CYP2J2: variants seen among roughly 807,000 people sequenced by gnomAD.
The protein encoded by CYP2J2 is cytochrome P450 family 2 subfamily J member 2, also known as cytochrome P450 2J2.
CYP2J2 carries 41 observed loss-of-function variants against 48.8 expected under a neutral mutation model. The ratio of observed to expected loss-of-function variants is 0.84; its 90% CI spans 0.66 to 1.09. CYP2J2 has a LOEUF of 1.09. Ranked by LOEUF, CYP2J2 falls within the 50% of genes least tolerant of loss-of-function variation. The pLI is 0.00. For synonymous variants in CYP2J2, 221 were observed against 227.1 expected (o/e 0.97, Z 0.24); for missense variants, 644 against 617.3 (o/e 1.04, Z -0.46).
intron 7 of CYP2J2, among the ~76,000 whole-genome samples, chr1:59,903,218 C>T (rs559814243): frequency 5.1e-4 from 77 of 152,226 alleles, no homozygotes; most frequent in African/African-American, 1.8e-3. Context: ...TTCTACTTCT[C>T]GAGATTTTCC....
At chr1:59,897,634 CA>C (rs1163187876) in intron 8 of CYP2J2, among the ~76,000 whole-genome samples, 1 of 152,176 alleles carries the variant, frequency 6.6e-6, no homozygotes, top group East Asian at 1.9e-4. Flanking sequence ...AAGTTCTTTC[CA>C]GCCCTATCTC....
chr1:59,935,027 T>TATACACAC, the CYP2J2 span, among the ~76,000 whole-genome samples: 6 of 100,140 alleles, frequency 6.0e-5, no homozygotes, highest in Non-Finnish European at 1.2e-4. Context: ...TATATATATA[T>TATACACAC]ATATATATAT....
At chr1:59,900,829 T>C in intron 8 of CYP2J2, 136 bp downstream of exon 8, 1 of 995,348 alleles carries the variant, frequency 1.0e-6, no homozygotes, top group Non-Finnish European at 1.5e-6. Flanking sequence ...GGCTGCCCCC[T>C]ACAGCAAGAT....
upstream of CYP2J2, among the ~76,000 whole-genome samples, chr1:59,929,582 T>C (rs962861200): frequency 6.6e-6 from 1 of 152,048 alleles, no homozygotes; most frequent in Non-Finnish European, 1.5e-5. Context: ...ATAGAAATTA[T>C]AAAAAAGTGG....
chr1:59,937,428 GA>G, the CYP2J2 span, among the ~76,000 whole-genome samples: 2,901 of 141,840 alleles, frequency 0.02, 87 homozygotes, highest in African/African-American at 0.067. Flanking sequence ...ATTACTAAAA[GA>G]AAAAAAAAAA....
chr1:59,920,833 T>G (rs1394031454), intron 1 of CYP2J2, among the ~76,000 whole-genome samples: 1 of 152,204 alleles, frequency 6.6e-6, no homozygotes, highest in African/African-American at 2.4e-5. Context: ...TTCCAAATTT[T>G]ATAGACTTTA....
chr1:59,966,274 T>C, the CYP2J2 span, among the ~76,000 whole-genome samples: 2 of 152,212 alleles, frequency 1.3e-5, no homozygotes, highest in African/African-American at 4.8e-5. Context: ...CTTCCTCAAC[T>C]TTATCTCTTT....
chr1:59,946,161 T>C, the CYP2J2 span, among the ~76,000 whole-genome samples: 1 of 152,218 alleles, frequency 6.6e-6, no homozygotes, highest in East Asian at 1.9e-4. Context: ...AAAGGCTCTA[T>C]ATGGCCTGGC....
At chr1:59,955,174 TA>T in the CYP2J2 span, among the ~76,000 whole-genome samples, 42 of 147,638 alleles carry the variant, frequency 2.8e-4, no homozygotes, top group African/African-American at 9.9e-4. Flanking sequence ...AATAAATAAT[TA>T]AAAAAATAAA....
the CYP2J2 span, among the ~76,000 whole-genome samples, chr1:59,946,612 A>T: frequency 6.6e-6 from 1 of 152,216 alleles, no homozygotes; most frequent in African/African-American, 2.4e-5. Flanking sequence ...ACATTTGTTG[A>T]CTGAGTCAAG....
chr1:59,967,240 A>G, the CYP2J2 span, among the ~76,000 whole-genome samples: 2 of 152,310 alleles, frequency 1.3e-5, no homozygotes, highest in South Asian at 4.1e-4. Context: ...TGTAATCACA[A>G]GGGGTTTATG....
At chr1:59,933,240 T>C in the CYP2J2 span, among the ~76,000 whole-genome samples, 1 of 152,122 alleles carries the variant, frequency 6.6e-6, no homozygotes, top group South Asian at 2.1e-4. Context: ...ACAATTGATA[T>C]GCTAAGAAAG....
At chr1:59,921,795 T>C (rs940771861) in intron 1 of CYP2J2, among the ~76,000 whole-genome samples, 2 of 152,062 alleles carry the variant, frequency 1.3e-5, no homozygotes, top group African/African-American at 4.8e-5. Flanking sequence ...CTGATTAATA[T>C]CTTGCTAATC....
At chr1:59,964,738 C>T in the CYP2J2 span, among the ~76,000 whole-genome samples, 104 of 152,328 alleles carry the variant, frequency 6.8e-4, no homozygotes, top group African/African-American at 2.2e-3. Context: ...AGTTACATTA[C>T]AGTTTCATTA....
chr1:59,963,210 T>C, the CYP2J2 span, among the ~76,000 whole-genome samples: 2 of 152,306 alleles, frequency 1.3e-5, no homozygotes, highest in African/African-American at 4.8e-5. Context: ...CATGAAAAAT[T>C]TGCCATTTTA....
the CYP2J2 span, among the ~76,000 whole-genome samples, chr1:59,947,145 CCTT>C: frequency 6.6e-6 from 1 of 151,404 alleles, no homozygotes. Context: ...CTATGCTCCT[CCTT>C]GAGACTTATT....
intron 8 of CYP2J2, among the ~76,000 whole-genome samples, chr1:59,900,014 T>C (rs1017149434): frequency 1.3e-5 from 2 of 152,248 alleles, no homozygotes; most frequent in Non-Finnish European, 2.9e-5. Flanking sequence ...AAATATATTT[T>C]TGGACCTGGC....
intron 6 of CYP2J2, among the ~76,000 whole-genome samples, chr1:59,906,008 A>T (rs1166783123): frequency 6.6e-6 from 1 of 152,112 alleles, no homozygotes; most frequent in Non-Finnish European, 1.5e-5. Flanking sequence ...AACACGGTGA[A>T]ATCCCATCTC....
At chr1:59,925,553 A>G (rs1480529797) in intron 1 of CYP2J2, among the ~76,000 whole-genome samples, 1 of 152,236 alleles carries the variant, frequency 6.6e-6, no homozygotes, top group Non-Finnish European at 1.5e-5. Flanking sequence ...CATACTTGGA[A>G]ATTAAACAAC....
Sources: gnomAD v4.1 joint callset for allele counts (sites outside exome capture counted in the v4.1 genomes callset) on GRCh38, gnomAD v4.1.1 for gene constraint, MANE v1.5 for transcripts, NCBI Gene and HGNC (gene_info 2026-07-23, HGNC 2026-07-21) for gene names.